TMEM53: variants seen among roughly 807,000 people sequenced by gnomAD.
TMEM53 encodes the protein transmembrane protein 53, also known as novel DUF829 domain-containing protein.
A neutral mutation model predicts 21.4 loss-of-function variants in TMEM53; 14 were observed. The ratio of observed to expected loss-of-function variants is 0.65; its 90% CI spans 0.43 to 1.02. The LOEUF is 1.02. Ranked by LOEUF, TMEM53 falls within the 50% of genes least tolerant of loss-of-function variation. TMEM53 has a pLI of 0.00. For synonymous variants in TMEM53, 148 were observed against 157.4 expected (o/e 0.94, Z 0.45); for missense variants, 323 against 383.6 (o/e 0.84, Z 1.32).
At chr1:44,664,400 C>T (rs1320112112) in intron 1 of TMEM53, among the ~76,000 whole-genome samples, 5 of 150,026 alleles carry the variant, frequency 3.3e-5, no homozygotes, top group African/African-American at 7.4e-5. Flanking sequence ...TGCGGTGAGC[C>T]GAGATCGCGC....
At chr1:44,662,230 C>A (rs968788718) in intron 1 of TMEM53, among the ~76,000 whole-genome samples, 2 of 152,224 alleles carry the variant, frequency 1.3e-5, no homozygotes, top group Admixed American at 1.3e-4. Context: ...CTGCCCGCAC[C>A]GGTGGGGGTC....
intron 1 of TMEM53, among the ~76,000 whole-genome samples, chr1:44,667,497 G>A (rs939818440): frequency 2.0e-5 from 3 of 150,762 alleles, no homozygotes; most frequent in African/African-American, 4.9e-5. Flanking sequence ...CAGTAGAAAC[G>A]GGGTTTCACC....
rs147880398 is a variant in TMEM53 at position 44,654,990 on chromosome 1, G to C, written c.403C>G (p.Leu135Val). The change falls in exon 3 of 3, where the codon CTG becomes GTG. Residue 135 changes from leucine (L) to valine (V), a missense_variant. Physicochemically the swap from Leu to Val is conservative, Grantham distance 32. Transcript: ENST00000372237. The surrounding 1 kb of genome is among the most constrained non-coding windows in gnomAD (Gnocchi z 7.0). ...TCAAAGATGGTGCCCACCACACGCA[G>C]GCGGCAGAAGCGACGGGTCTGCAGG... ...ELLQTRRFCRLRVVGTIFDSA... is the reference protein window; with the variant it reads ...ELLQTRRFCRVRVVGTIFDSA... 2,170 of 1,613,974 alleles carry C rather than the reference G, an allele frequency of 1.3e-3. 5 individuals carry two copies. Among genetic ancestry groups the C allele is most frequent in the Admixed American group, 2.0e-3 (123 of 60,008 alleles).
chr1:44,674,295 A>G (rs1359308320), intron 1 of TMEM53, 36 bp downstream of exon 1: 3 of 1,585,760 alleles, frequency 1.9e-6, no homozygotes, highest in African/African-American at 1.4e-5. Flanking sequence ...TCATGAGGTC[A>G]CCTCCCCGCG....
At chr1:44,663,280 G>A (rs891883650) in intron 1 of TMEM53, among the ~76,000 whole-genome samples, 16 of 151,924 alleles carry the variant, frequency 1.1e-4, no homozygotes, top group African/African-American at 3.6e-4. Context: ...TCACTTTTTC[G>A]CCCAGGCTGG....
At chr1:44,669,038 G>T (rs891076645) in intron 1 of TMEM53, among the ~76,000 whole-genome samples, 3 of 152,068 alleles carry the variant, frequency 2.0e-5, no homozygotes, top group African/African-American at 7.2e-5. Context: ...ATGATACAAA[G>T]AATTAAATAT....
chr1:44,664,605 A>T (rs961073898), intron 1 of TMEM53, among the ~76,000 whole-genome samples: 1 of 152,148 alleles, frequency 6.6e-6, no homozygotes, highest in Non-Finnish European at 1.5e-5. Flanking sequence ...AACTCTAAAG[A>T]CCAGCTTGTA....
At chr1:44,674,139 G>A in intron 1 of TMEM53, 192 bp downstream of exon 1, 1 of 985,290 alleles carries the variant, frequency 1.0e-6, no homozygotes, top group Non-Finnish European at 1.2e-6. Flanking sequence ...CGCCAGGGAG[G>A]AACACTCTGG....
intron 1 of TMEM53, among the ~76,000 whole-genome samples, chr1:44,662,969 A>T (rs1240952489): frequency 6.6e-6 from 1 of 152,192 alleles, no homozygotes; most frequent in African/African-American, 2.4e-5. Flanking sequence ...TTCACCCTCC[A>T]TGAAGGCGAA....
chr1:44,674,383 C>G lies in TMEM53; in HGVS notation c.9G>C (p.Ser3=), dbSNP rs1645063397. 1 of 1,611,784 alleles carries G rather than the reference C, an allele frequency of 6.2e-7. No homozygotes were observed. The highest frequency in any genetic ancestry group is 2.2e-5 in the East Asian group (1 of 44,658). The change falls in exon 1 of 3, where the codon TCG becomes TCC. Residue 3 remains serine, a synonymous_variant. Coordinates refer to ENST00000372237, the MANE Select transcript of TMEM53 (RefSeq NM_024587.4). ...TCTCGATGGTGTAGTCCAGCTCTGC[C>G]GAGGCCATGGTGAAGGCGCCGGCCC... MA[S]AELDYTIEIP... is the part of the protein sequence containing the mutation.
In TMEM53 at chr1:44,655,308, G is replaced by T; in HGVS notation, c.184-99C>A. On this transcript the variant is annotated intron_variant, in intron 2 of 2. Coordinates refer to ENST00000372237, the MANE Select transcript of TMEM53 (RefSeq NM_024587.4). The surrounding 1 kb of genome is among the most constrained non-coding windows in gnomAD (Gnocchi z 4.4). ...CAGCAACCCCAGCCTGTAGGACATA[G>T]GCCATGGGGCCCACAGCGTCAGCAA... The T allele has an allele frequency of 8.3e-7, 1 of 1,203,732 alleles. No individual in the cohort carries two copies. 74.6% of individuals were successfully genotyped at this position (1,203,732 alleles called of 1,614,324 possible). A position where few individuals can be genotyped will look rare whatever the true frequency, so the allele number is the denominator to read the frequency against.
At chr1:44,661,843 T>A (rs1182799721) in intron 1 of TMEM53, among the ~76,000 whole-genome samples, 1 of 152,212 alleles carries the variant, frequency 6.6e-6, no homozygotes, top group Non-Finnish European at 1.5e-5. Flanking sequence ...CCACCAGGGC[T>A]GCCTTTGAGG....
At chr1:44,663,218 C>T (rs1013112048) in intron 1 of TMEM53, among the ~76,000 whole-genome samples, 2 of 152,120 alleles carry the variant, frequency 1.3e-5, no homozygotes, top group African/African-American at 4.8e-5. Context: ...CATGGCCCGG[C>T]TCATTTAAAA....
chr1:44,672,786 AAG>A (rs1040318212), intron 1 of TMEM53, among the ~76,000 whole-genome samples: 1 of 144,656 alleles, frequency 6.9e-6, no homozygotes. Context: ...AAAAAAAAGA[AAG>A]GGGGGCTGAG....
intron 1 of TMEM53, among the ~76,000 whole-genome samples, chr1:44,672,037 A>T (rs1381915906): frequency 1.3e-5 from 2 of 152,274 alleles, no homozygotes; most frequent in African/African-American, 4.8e-5. Flanking sequence ...CTGGGGCTCC[A>T]AAAGACTGTC....
chr1:44,662,318 G>A (rs1265596086), intron 1 of TMEM53, among the ~76,000 whole-genome samples: 5 of 152,130 alleles, frequency 3.3e-5, no homozygotes, highest in South Asian at 2.1e-4. Context: ...CAGCCCTCCC[G>A]GCCTCCACAG....
chr1:44,668,462 CA>C (rs1209383112), intron 1 of TMEM53, among the ~76,000 whole-genome samples: 3 of 152,030 alleles, frequency 2.0e-5, no homozygotes, highest in Non-Finnish European at 4.4e-5. Context: ...AAATAACATG[CA>C]AAAAATTGAA....
chr1:44,668,402 G>A (rs978441880), intron 1 of TMEM53, among the ~76,000 whole-genome samples: 1 of 152,076 alleles, frequency 6.6e-6, no homozygotes, highest in Non-Finnish European at 1.5e-5. Context: ...CAGCCTGGGC[G>A]ACAGAACGAT....
In TMEM53 at chr1:44,654,813, G is replaced by C; in HGVS notation, c.580C>G (p.Leu194Val). The change falls in exon 3 of 3, where the codon CTC becomes GTC. Residue 194 changes from leucine (L) to valine (V), a missense_variant. Coordinates refer to ENST00000372237, the MANE Select transcript of TMEM53 (RefSeq NM_024587.4). This position sits in a 1 kb window ranked among gnomAD's most constrained non-coding sequence, Gnocchi z 7.0. ...CTGTCATAGAAGTGGGTGTGGAAGA[G>C]GGCTGTGATGGGAGCAAGCAGGACG... ...FHVLLAPITA[L>V]FHTHFYDRLQ... 6.2e-7 allele frequency: 1 copy of C among 1,613,710 alleles called. No individual in the cohort carries two copies. The highest frequency in any genetic ancestry group is 8.5e-7 in the Non-Finnish European group (1 of 1,180,048).
Sources: allele counts gnomAD v4.1 joint callset (sites outside exome capture counted in the v4.1 genomes callset), GRCh38; gene constraint gnomAD v4.1.1; non-coding constraint Gnocchi (gnomAD v3.1); transcripts MANE v1.5; gene names NCBI Gene and HGNC (gene_info 2026-07-23, HGNC 2026-07-21).